ESPL1: variants seen among roughly 807,000 people sequenced by gnomAD.
The protein encoded by ESPL1 is separin.
ESPL1 carries 50 observed loss-of-function variants against 217.2 expected under a neutral mutation model. The ratio of observed to expected loss-of-function variants is 0.23; its 90% CI spans 0.18 to 0.29. ESPL1 has a LOEUF of 0.29. Ranked by LOEUF, ESPL1 falls within the 10% of genes least tolerant of loss-of-function variation. The pLI is 1.00. For synonymous variants in ESPL1, 994 were observed against 1,081.3 expected (o/e 0.92, Z 1.58); for missense variants, 1,834 against 2,603.0 (o/e 0.70, Z 6.43).
Position 53,274,467 on chromosome 12 carries a change from G to A in ESPL1, c.1507-350G>A, listed in dbSNP as rs533291278. 7.0e-4 allele frequency: 157 copies of A among 224,258 alleles called. 1 individual carries two copies. Among genetic ancestry groups the A allele is most frequent in the Non-Finnish European group, 1.1e-3 (127 of 110,758 alleles). 13.9% of individuals were successfully genotyped at this position (224,258 alleles called of 1,614,324 possible). A position where few individuals can be genotyped will look rare whatever the true frequency, so the allele number is the denominator to read the frequency against. On this transcript the variant is annotated intron_variant, in intron 6 of 30. Coordinates refer to ENST00000257934, the MANE Select transcript of ESPL1 (RefSeq NM_012291.5). ...GTGCGAGAAGCCAAGGATTAACCTG[G>A]TAGGTGACTGGCGGGAGGGAGAGCG...
At position 53,291,678 on chromosome 12, in the gene ESPL1, GT is replaced by G; in HGVS notation, c.5521-9del. On this transcript the variant is annotated splice_polypyrimidine_tract_variant and intron_variant, in intron 25 of 30. Transcript: ENST00000257934. ...AATGAAGATGGTGCTCACCACCACT[GT>G]TTCCCTGCAGATCATGCTCAGTGGT... is the stretch of plus-strand genomic sequence containing the variant. 6.2e-7 allele frequency: 1 copy of G among 1,612,358 alleles called. No homozygotes were observed. The highest frequency in any genetic ancestry group is 1.1e-5 in the South Asian group (1 of 90,860).
Position 53,292,280 on chromosome 12 carries a change from T to C in ESPL1, c.5799T>C (p.Tyr1933=), listed in dbSNP as rs1944076024. 1 of 1,610,368 alleles carries C rather than the reference T, an allele frequency of 6.2e-7. No homozygotes were observed. Among genetic ancestry groups the C allele is most frequent in the Non-Finnish European group, 8.5e-7 (1 of 1,176,636 alleles). ...FLLSYSIIKE[Y]GASPVLSQGV... ...AATCGCCAGTGTCTCCTCCTCAGTA[T>C]GGGGCCTCGCCAGTGCTGAGTCAAG... is the stretch of plus-strand genomic sequence containing the variant. Residue 1933 remains tyrosine, a splice_region_variant and synonymous_variant, in exon 28 of 31, where the codon TAT becomes TAC. Transcript: ENST00000257934. This position sits in a 1 kb window ranked among gnomAD's most constrained non-coding sequence, Gnocchi z 4.5.
intron 12 of ESPL1, among the ~76,000 whole-genome samples, chr12:53,280,797 C>G (rs1263989327): frequency 1.3e-5 from 2 of 151,848 alleles, no homozygotes; most frequent in African/African-American, 4.8e-5. Flanking sequence ...AGTTGGAGAC[C>G]AGCCTGACCA....
At chr12:53,285,828 AAC>A in intron 17 of ESPL1, 94 bp from the exon 18 acceptor site, 1 of 908,442 alleles carries the variant, frequency 1.1e-6, no homozygotes, top group South Asian at 1.8e-5. Flanking sequence ...ACGTATATAA[AAC>A]ACATATATTA....
chr12:53,285,820 G>C, intron 17 of ESPL1, 104 bp from the exon 18 acceptor site: 1 of 770,650 alleles, frequency 1.3e-6, no homozygotes, highest in Non-Finnish European at 2.1e-6. Flanking sequence ...ATACACGTAC[G>C]TATATAAAAC....
Position 53,277,206 on chromosome 12 carries a change from T to C in ESPL1, c.2064T>C (p.Thr688=), listed in dbSNP as rs1022210190. Reference sequence around the variant, plus strand: ...CCTTGCTGTGGCTTTACATCTGTACTCTGGAAGCCAAAATGCAGGAAGTGA... The same window carrying C: ...CCTTGCTGTGGCTTTACATCTGTACCCTGGAAGCCAAAATGCAGGAAGTGA... The part of the protein sequence containing the change: ...AQALLWLYIC[T]LEAKMQEGIE... The change falls in exon 9 of 31, where the codon ACT becomes ACC. Residue 688 remains threonine, a synonymous_variant. Coordinates refer to ENST00000257934, the MANE Select transcript of ESPL1 (RefSeq NM_012291.5). 6.2e-7 allele frequency: 1 copy of C among 1,610,490 alleles called. No homozygotes were observed. Among genetic ancestry groups the C allele is most frequent in the Non-Finnish European group, 8.5e-7 (1 of 1,177,074 alleles).
At chr12:53,289,702 C>A (rs559081297) in intron 22 of ESPL1, 108 bp downstream of exon 22, 2 of 907,562 alleles carry the variant, frequency 2.2e-6, no homozygotes, top group East Asian at 2.6e-5. Context: ...AGATTTATGA[C>A]CCTTATGTCA....
intron 18 of ESPL1, 145 bp from the exon 19 acceptor site, chr12:53,287,827 G>A (rs984505082): frequency 4.0e-6 from 3 of 751,344 alleles, no homozygotes; most frequent in Non-Finnish European, 6.5e-6. Context: ...CTAGAGTGTT[G>A]GCTGTCATGT....
chr12:53,291,849 G>A lies in ESPL1; in HGVS notation c.5680G>A (p.Val1894Ile). The change falls in exon 26 of 31, where the codon GTC (valine) becomes ATC (isoleucine). Residue 1894 changes from valine to isoleucine, a missense_variant. Physicochemically the swap from Val to Ile is conservative, Grantham distance 29. Around this residue, in one of 5 missense-constraint regions of ESPL1, gnomAD observed 295 missense variants for 519.8 expected, o/e 0.57. Transcript: ENST00000257934. ...ACCAAGCAATAGCCACCTTGTCTTGGTCCTAGACAAGGTAAGGAGCTGGGG... is the reference window on the plus strand; with the variant it reads ...ACCAAGCAATAGCCACCTTGTCTTGATCCTAGACAAGGTAAGGAGCTGGGG... ...TVPSNSHLVL[V>I]LDKDLQKLPW... The A allele has an allele frequency of 6.3e-7, 1 of 1,588,268 alleles. No homozygotes were observed. The highest frequency in any genetic ancestry group is 8.6e-7 in the Non-Finnish European group (1 of 1,165,810).
rs752249456 is a variant in ESPL1 at position 53,272,908 on chromosome 12, G to T, written c.1506+51G>T. On this transcript the variant is annotated intron_variant, in intron 6 of 30. Transcript: ENST00000257934. ...AAGGAGCTTATGTGGTTGGGGAGCGGGGGGAGCGGGGAAGGGCCTCACCAG... is the reference window on the plus strand; with the variant it reads ...AAGGAGCTTATGTGGTTGGGGAGCGTGGGGAGCGGGGAAGGGCCTCACCAG... 10 of 1,599,594 alleles carry T rather than the reference G, an allele frequency of 6.3e-6. No individual in the cohort carries two copies. The Admixed American group carries it at 6.7e-5, about 11-fold the overall frequency.
At position 53,288,349 on chromosome 12, in the gene ESPL1, A is replaced by G; in HGVS notation, c.4546+8A>G. 1 of 1,586,222 alleles carries G rather than the reference A, an allele frequency of 6.3e-7. No individual in the cohort carries two copies. Among genetic ancestry groups the G allele is most frequent in the East Asian group, 2.3e-5 (1 of 44,274 alleles). ...GGGAAGACTCAGCCTCAGGTAGGAC[A>G]GCAAGGGTGAGGTGGAAGGTGCATG... On this transcript the variant is annotated splice_region_variant and intron_variant, in intron 19 of 30. Coordinates refer to ENST00000257934, the MANE Select transcript of ESPL1 (RefSeq NM_012291.5).
chr12:53,288,595 G>A lies in ESPL1; in HGVS notation c.4604G>A (p.Arg1535Lys). The change falls in exon 20 of 31, where the codon AGG becomes AAG. Residue 1535 changes from arginine (R) to lysine (K), a missense_variant. Physicochemically the swap from Arg to Lys is conservative, Grantham distance 26. Around this residue, in one of 5 missense-constraint regions of ESPL1, gnomAD observed 681 missense variants for 808.0 expected, o/e 0.84. Transcript: ENST00000257934. Reference protein sequence around the residue: ...EAASGEWELLRLDSSKKKLPS... With the variant: ...EAASGEWELLKLDSSKKKLPS... ...GCTTCTGGAGAATGGGAGCTGCTGA[G>A]GCTGGATTCCAGCAAGAAGAAGCTG... 6.2e-7 allele frequency: 1 copy of A among 1,613,830 alleles called. No homozygotes were observed. The highest frequency in any genetic ancestry group is 8.5e-7 in the Non-Finnish European group (1 of 1,180,000).
intron 7 of ESPL1, 65 bp from the exon 8 acceptor site, chr12:53,276,555 G>T: frequency 6.7e-7 from 1 of 1,489,314 alleles, no homozygotes; most frequent in South Asian, 1.3e-5. Context: ...CTCAGCATGG[G>T]AGCAGGTAGC....
chr12:53,272,886 G>T (rs1943698796), intron 6 of ESPL1, 29 bp downstream of exon 6: 1 of 1,610,924 alleles, frequency 6.2e-7, no homozygotes, highest in Non-Finnish European at 8.5e-7. Context: ...TGCAGGAAAG[G>T]AGCTTATGTG....
Position 53,289,408 on chromosome 12 carries a change from G to C in ESPL1, c.4927G>C (p.Ala1643Pro). 6.2e-7 allele frequency: 1 copy of C among 1,613,408 alleles called. No homozygotes were observed. Among genetic ancestry groups the C allele is most frequent in the African/African-American group, 1.3e-5 (1 of 75,062 alleles). The change falls in exon 22 of 31, where the codon GCC (alanine) becomes CCC (proline). Residue 1643 changes from alanine (A) to proline (P), a missense_variant. By Grantham distance (27) the Ala-to-Pro change is conservative. This residue lies in a region of ESPL1 where 681 missense variants were observed against 808.0 expected (regional missense o/e 0.84). Transcript: ENST00000257934. ...CCCTCCCCGTGTTGCTTGCAGCAAG[G>C]CCCAGAAGCACCGAGGATCACTTGA... ...LTHLHRQLSK[A>P]QKHRGSLEIA...
At position 53,286,694 on chromosome 12, in the gene ESPL1, C is replaced by T. The variant is rs34014450; in HGVS notation, c.3958C>T (p.Arg1320Cys). 2.7e-4 allele frequency: 430 copies of T among 1,614,106 alleles called. No individual in the cohort carries two copies. In the African/African-American group the frequency reaches 4.7e-3, roughly 18 times the overall value. ...GGGCCAAAAACGTTCTGGACGAGGG[C>T]GCCAAAAGTTAGCCTCTGCTCCCCT... ...TQGQKRSGRG[R>C]QKLASAPLRL... The change falls in exon 18 of 31, where the codon CGC becomes TGC. Residue 1320 changes from arginine (R) to cysteine (C), a missense_variant. By Grantham distance (180) the Arg-to-Cys change is radical. This residue lies in a region of ESPL1 where 681 missense variants were observed against 808.0 expected (regional missense o/e 0.84). Transcript: ENST00000257934. The surrounding 1 kb of genome is among the most constrained non-coding windows in gnomAD (Gnocchi z 5.3).
In ESPL1 at chr12:53,283,272, G is replaced by A; in HGVS notation, c.2920+15G>A. On this transcript the variant is annotated intron_variant, in intron 15 of 30. Coordinates refer to ENST00000257934, the MANE Select transcript of ESPL1 (RefSeq NM_012291.5). ...TTTGGACTATGGTGAGTCTGGGGAGGACAGCAGGGCCCTCTTGGAATGGAC... is the reference window on the plus strand; with the variant it reads ...TTTGGACTATGGTGAGTCTGGGGAGAACAGCAGGGCCCTCTTGGAATGGAC... 3 of 1,614,134 alleles carry A rather than the reference G, an allele frequency of 1.9e-6. No homozygotes were observed. Among genetic ancestry groups the A allele is most frequent in the Non-Finnish European group, 1.7e-6 (2 of 1,179,970 alleles).
Position 53,286,267 on chromosome 12 carries a change from A to G in ESPL1, c.3531A>G (p.Gln1177=), listed in dbSNP as rs774086586. 9 of 1,614,086 alleles carry G rather than the reference A, an allele frequency of 5.6e-6. No individual in the cohort carries two copies. Among genetic ancestry groups the G allele is most frequent in the Non-Finnish European group, 8.5e-7 (1 of 1,180,048 alleles). ...GGGTGAGGCTGGCCATGGGCCACCA[A>G]GCCCAGGGTCTGGATCTGCTGCAGG... ...TAGVRLAMGH[Q]AQGLDLLQVV... is the part of the protein sequence containing the mutation. Residue 1177 remains glutamine (Q), a synonymous_variant, in exon 18 of 31, where the codon CAA becomes CAG. Coordinates refer to ENST00000257934, the MANE Select transcript of ESPL1 (RefSeq NM_012291.5). The surrounding 1 kb of genome is among the most constrained non-coding windows in gnomAD (Gnocchi z 5.3).
rs1195812355 is a variant in ESPL1 at position 53,286,001 on chromosome 12, C to G, written c.3265C>G (p.Pro1089Ala). The G allele has an allele frequency of 6.3e-7, 1 of 1,598,974 alleles. No individual in the cohort carries two copies. Among genetic ancestry groups the G allele is most frequent in the Admixed American group, 1.7e-5 (1 of 59,522 alleles). Reference sequence around the variant, plus strand: ...GAAGGGGAAGCAGCAGGCCCAGGTCCCCTGTCCTCCACAGCTCCCAGAGGA... The same window carrying G: ...GAAGGGGAAGCAGCAGGCCCAGGTCGCCTGTCCTCCACAGCTCCCAGAGGA... Reference protein sequence around the residue: ...LQKGKQQAQVPCPPQLPEEEL... With the variant: ...LQKGKQQAQVACPPQLPEEEL... Residue 1089 changes from proline (P) to alanine (A), a missense_variant, in exon 18 of 31, where the codon CCC (proline) becomes GCC (alanine). Coordinates refer to ENST00000257934, the MANE Select transcript of ESPL1 (RefSeq NM_012291.5). The surrounding 1 kb of genome is among the most constrained non-coding windows in gnomAD (Gnocchi z 5.3).
Sources: allele counts gnomAD v4.1 joint callset (sites outside exome capture counted in the v4.1 genomes callset), GRCh38; gene constraint gnomAD v4.1.1; regional missense constraint gnomAD v4.1.1; non-coding constraint Gnocchi (gnomAD v3.1); transcripts MANE v1.5; gene names NCBI Gene and HGNC (gene_info 2026-07-23, HGNC 2026-07-21).